NRG1: variants seen among roughly 807,000 people sequenced by gnomAD.
NRG1 encodes the protein pro-neuregulin-1, membrane-bound isoform.
In NRG1, 18 loss-of-function variants were observed where a neutral mutation model predicts 63.8. The ratio of observed to expected loss-of-function variants is 0.28; its 90% CI spans 0.19 to 0.42. The LOEUF (loss-of-function observed/expected upper bound fraction) is 0.42. NRG1 is among the 10% of genes least tolerant of loss of function. The pLI, the probability that NRG1 is intolerant of heterozygous loss-of-function variation, is 1.00. For synonymous variants in NRG1, 302 were observed against 301.3 expected, an observed-to-expected ratio of 1.00 and a Z score of -0.02; for missense variants, 762 against 814.7, an observed-to-expected ratio of 0.94 and a Z score of 0.79.
intron 4 of NRG1, 87 bp from the exon 5 acceptor site, chr8:32,616,747 AG>A: frequency 1.1e-6 from 1 of 935,374 alleles, no homozygotes; most frequent in Non-Finnish European, 1.8e-6. Context: ...CTCTTTTACT[AG>A]GCGATACCCA....
chr8:31,653,445 C>T (rs1163859674), intron 1 of NRG1, among the ~76,000 whole-genome samples: 1 of 152,036 alleles, frequency 6.6e-6, no homozygotes, highest in Non-Finnish European at 1.5e-5. Context: ...CCTGACTTTC[C>T]CCTGAATAAA....
At chr8:32,203,714 C>T (rs1843728434) in intron 1 of NRG1, among the ~76,000 whole-genome samples, 1 of 152,038 alleles carries the variant, frequency 6.6e-6, no homozygotes, top group South Asian at 2.1e-4. Flanking sequence ...CTACTATAGG[C>T]CAAGTGTATT....
chr8:32,132,512 T>C (rs940191617), intron 1 of NRG1, among the ~76,000 whole-genome samples: 50 of 152,166 alleles, frequency 3.3e-4, no homozygotes, highest in Admixed American at 2.2e-3. Flanking sequence ...ACAGATCTAC[T>C]TGGCCCTCGA....
intron 5 of NRG1, among the ~76,000 whole-genome samples, chr8:32,622,047 A>C (rs1848429127): frequency 6.6e-6 from 1 of 152,180 alleles, no homozygotes; most frequent in East Asian, 1.9e-4. Flanking sequence ...ACGTCAAAGC[A>C]TGGCAGGTGA....
intron 1 of NRG1, among the ~76,000 whole-genome samples, chr8:32,247,286 C>T (rs553326629): frequency 6.6e-6 from 1 of 152,108 alleles, no homozygotes; most frequent in South Asian, 2.1e-4. Context: ...ACATAAAAGC[C>T]TTTGATGACT....
intron 1 of NRG1, among the ~76,000 whole-genome samples, chr8:31,801,729 G>T (rs905785990): frequency 2.0e-5 from 3 of 152,072 alleles, no homozygotes; most frequent in Admixed American, 1.3e-4. Flanking sequence ...TGATTTCTTT[G>T]ATTTATTCAA....
chr8:32,157,905 G>A (rs2131880253), intron 1 of NRG1, among the ~76,000 whole-genome samples: 1 of 152,082 alleles, frequency 6.6e-6, no homozygotes, highest in Non-Finnish European at 1.5e-5. Flanking sequence ...AAACGGCACG[G>A]CTTCTTTCTC....
chr8:31,723,520 C>T (rs1585933506), intron 1 of NRG1, among the ~76,000 whole-genome samples: 1 of 152,110 alleles, frequency 6.6e-6, no homozygotes, highest in African/African-American at 2.4e-5. Flanking sequence ...TATTCACAGG[C>T]ATGATCATTA....
intron 1 of NRG1, among the ~76,000 whole-genome samples, chr8:32,154,214 A>G (rs1837811901): frequency 6.6e-6 from 1 of 152,078 alleles, no homozygotes; most frequent in Non-Finnish European, 1.5e-5. Context: ...CATATTGAGG[A>G]AGGCCAATGC....
At chr8:32,343,127 G>A (rs1804288762) in intron 1 of NRG1, among the ~76,000 whole-genome samples, 2 of 152,170 alleles carry the variant, frequency 1.3e-5, no homozygotes, top group African/African-American at 4.8e-5. Context: ...AGTCTTTACA[G>A]TCATGGGGCT....
chr8:32,177,746 G>T (rs900230438), intron 1 of NRG1, among the ~76,000 whole-genome samples: 1 of 151,712 alleles, frequency 6.6e-6, no homozygotes, highest in Non-Finnish European at 1.5e-5. Context: ...CACTTTGCAT[G>T]AAAAAAAATC....
At chr8:31,643,155 A>G (rs1803965623) in intron 1 of NRG1, among the ~76,000 whole-genome samples, 1 of 152,196 alleles carries the variant, frequency 6.6e-6, no homozygotes, top group African/African-American at 2.4e-5. Flanking sequence ...ATGGGGGCTG[A>G]TTTGTTCTGG....
intron 1 of NRG1, among the ~76,000 whole-genome samples, chr8:31,717,437 A>G (rs1812468572): frequency 6.6e-6 from 1 of 151,440 alleles, no homozygotes. Context: ...AAAGAAAAAC[A>G]AAAAAAGGAT....
intron 2 of NRG1, among the ~76,000 whole-genome samples, chr8:32,602,805 A>G (rs905906101): frequency 1.3e-5 from 2 of 151,930 alleles, no homozygotes; most frequent in Admixed American, 6.6e-5. Flanking sequence ...TTTCCTCACT[A>G]TTTTTCAAAG....
At chr8:31,792,383 G>T (rs1383460519) in intron 1 of NRG1, among the ~76,000 whole-genome samples, 1 of 152,152 alleles carries the variant, frequency 6.6e-6, no homozygotes, top group Non-Finnish European at 1.5e-5. Flanking sequence ...ACACAGGAGG[G>T]TTGAATGACT....
chr8:32,594,402 T>C (rs1843010952), intron 1 of NRG1, among the ~76,000 whole-genome samples: 2 of 152,196 alleles, frequency 1.3e-5, no homozygotes. Context: ...TCAGGTTCTG[T>C]GACATTTGTT....
intron 1 of NRG1, among the ~76,000 whole-genome samples, chr8:32,084,333 G>A (rs906432755): frequency 6.6e-6 from 1 of 152,074 alleles, no homozygotes; most frequent in Non-Finnish European, 1.5e-5. Context: ...AACATGATTA[G>A]AACATAGTCA....
rs36040084 is a variant in NRG1, at chr8:31,742,455, A to ATTTTTTTTTTTTTT, written c.37+103037_37+103050dup. ...GCAACGACAGACAACTTTTTTAAGAATTTTTTTTTTTTTTTTTTTTTTTTT... is the reference window on the plus strand; with the variant it reads ...GCAACGACAGACAACTTTTTTAAGAATTTTTTTTTTTTTTTTTTTTTTTTTTTTTTTTTTTTTTT... On this transcript the variant is annotated intron_variant, in intron 1 of 10. Coordinates refer to the NRG1 transcript ENST00000519301. Among the ~76,000 whole-genome samples the ATTTTTTTTTTTTTT allele has an allele frequency of 6.9e-3, 548 of 79,976 alleles. 46 individuals carry two copies. The highest frequency in any genetic ancestry group is 9.8e-3 in the Middle Eastern group (1 of 102). 52.5% of individuals were successfully genotyped at this position (79,976 alleles called of 152,430 possible).
chr8:32,048,442 C>CACAT (rs1821413229), intron 1 of NRG1, among the ~76,000 whole-genome samples: 1 of 134,884 alleles, frequency 7.4e-6, no homozygotes, highest in African/African-American at 2.9e-5. Flanking sequence ...CACATATATA[C>CACAT]ATACATATAT....
Sources: allele counts gnomAD v4.1 joint callset (sites outside exome capture counted in the v4.1 genomes callset), GRCh38; gene constraint gnomAD v4.1.1; transcripts MANE v1.5; gene names NCBI Gene and HGNC (gene_info 2026-07-23, HGNC 2026-07-21).